PLAAT3: variants seen among roughly 807,000 people sequenced by gnomAD.
PLAAT3 encodes phospholipase A and acyltransferase 3.
A neutral mutation model predicts 16.7 loss-of-function variants in PLAAT3; 21 were observed. The observed-to-expected ratio is 1.26, with a 90% CI of 0.89 to 1.81. PLAAT3 has a LOEUF of 1.81. Ranked by LOEUF, PLAAT3 falls within the 40% of genes most tolerant of loss-of-function variation. PLAAT3 has a pLI of 0.00. For synonymous variants in PLAAT3, 76 were observed against 81.7 expected (o/e 0.93, Z 0.38); for missense variants, 219 against 213.7 (o/e 1.02, Z -0.16).
At chr11:63,613,343 G>A (rs1359264487) in intron 2 of PLAAT3, among the ~76,000 whole-genome samples, 1 of 152,112 alleles carries the variant, frequency 6.6e-6, no homozygotes, top group Non-Finnish European at 1.5e-5. Context: ...CCCGAGAGGC[G>A]GAGGTCGCAG....
At chr11:63,594,388 C>T (rs1362993384) in intron 3 of PLAAT3, among the ~76,000 whole-genome samples, 1 of 151,984 alleles carries the variant, frequency 6.6e-6, no homozygotes, top group Admixed American at 6.6e-5. Flanking sequence ...GGAGCCCACA[C>T]AAGAGACCAA....
intron 2 of PLAAT3, among the ~76,000 whole-genome samples, chr11:63,607,104 G>T (rs1020243747): frequency 1.3e-5 from 2 of 152,180 alleles, no homozygotes; most frequent in Admixed American, 1.3e-4. Flanking sequence ...GATGGAATGA[G>T]GTGGGGTGTG....
intron 2 of PLAAT3, among the ~76,000 whole-genome samples, chr11:63,612,251 A>G (rs1044739589): frequency 6.6e-6 from 1 of 152,136 alleles, no homozygotes; most frequent in African/African-American, 2.4e-5. Flanking sequence ...GGCTCAAGTG[A>G]TCCTCCCACC....
intron 4 of PLAAT3, among the ~76,000 whole-genome samples, chr11:63,579,054 G>A (rs1937710918): frequency 6.6e-6 from 1 of 152,138 alleles, no homozygotes; most frequent in Admixed American, 6.5e-5. Context: ...CCATCAAAAA[G>A]TGGGCGAAGG....
chr11:63,586,095 T>C (rs867694821), intron 4 of PLAAT3, among the ~76,000 whole-genome samples: 1 of 151,926 alleles, frequency 6.6e-6, no homozygotes, highest in Non-Finnish European at 1.5e-5. Context: ...TGTGCACCCA[T>C]AGTCTCAGCT....
intron 4 of PLAAT3, among the ~76,000 whole-genome samples, chr11:63,584,508 G>GTTT (rs59460211): frequency 7.1e-6 from 1 of 140,242 alleles, no homozygotes; most frequent in Middle Eastern, 3.3e-3. Flanking sequence ...TTTTTTTTTT[G>GTTT]TTTTTTTTTG....
At chr11:63,589,854 GATC>G (rs1240869172) in intron 4 of PLAAT3, among the ~76,000 whole-genome samples, 11 of 152,186 alleles carry the variant, frequency 7.2e-5, no homozygotes, top group Non-Finnish European at 1.2e-4. Context: ...CAATGGGAAT[GATC>G]ATCATGTCTG....
chr11:63,604,358 A>G (rs1446457019), intron 2 of PLAAT3, among the ~76,000 whole-genome samples: 1 of 152,180 alleles, frequency 6.6e-6, no homozygotes, highest in Non-Finnish European at 1.5e-5. Context: ...TTTAAAGGGA[A>G]AAAATACTCA....
rs888556803 is a variant in PLAAT3, at chr11:63,606,570, G to C, written c.15+7430C>G. Reference sequence around the variant, plus strand: ...GTCGGGAGCTGAGCGCTGGTGGGGTGGGGGCACGGGGTGCAATAGGAATTA... The same window carrying C: ...GTCGGGAGCTGAGCGCTGGTGGGGTCGGGGCACGGGGTGCAATAGGAATTA... On this transcript the variant is annotated intron_variant, in intron 2 of 4. Transcript: ENST00000415826. Among the ~76,000 whole-genome samples, 6 of 152,306 alleles carry C rather than the reference G, an allele frequency of 3.9e-5. No homozygotes were observed. The East Asian group carries it at 1.2e-3, about 29-fold the overall frequency.
At chr11:63,580,611 G>A (rs1352203515) in intron 4 of PLAAT3, among the ~76,000 whole-genome samples, 3 of 152,128 alleles carry the variant, frequency 2.0e-5, no homozygotes, top group Admixed American at 1.3e-4. Flanking sequence ...CTGAGATCAC[G>A]CCACTGCACT....
chr11:63,613,170 G>T (rs627194), intron 2 of PLAAT3, among the ~76,000 whole-genome samples: 74,642 of 152,026 alleles, frequency 0.49, 18,679 homozygotes, highest in Non-Finnish European at 0.54. Flanking sequence ...CCAGCACTTT[G>T]CGAGACCGAG....
rs1938116234 is a variant in PLAAT3, at chr11:63,590,295, C to T, written c.192G>A (p.Leu64=). Residue 64 remains leucine, a synonymous_variant, in exon 4 of 5, where the codon TTG becomes TTA. Coordinates refer to ENST00000415826, the MANE Select transcript of PLAAT3 (RefSeq NM_001128203.2). Reference sequence around the variant, plus strand: ...TGTCACTCCCGGCCACATCATACAGCAATTCCTTCTTCACGATGGCCTTGT... The same window carrying T: ...TGTCACTCCCGGCCACATCATACAGTAATTCCTTCTTCACGATGGCCTTGT... ...LTDKAIVKKE[L]LYDVAGSDKY... is the part of the protein sequence containing the mutation. The T allele has an allele frequency of 6.2e-7, 1 of 1,614,060 alleles. No individual in the cohort carries two copies. Among genetic ancestry groups the T allele is most frequent in the African/African-American group, 1.3e-5 (1 of 74,934 alleles).
At chr11:63,600,083 G>A (rs774799187) in intron 2 of PLAAT3, among the ~76,000 whole-genome samples, 7 of 151,898 alleles carry the variant, frequency 4.6e-5, no homozygotes, top group Non-Finnish European at 1.0e-4. Flanking sequence ...CCAGGCTCAG[G>A]TCATCTTCCC....
intron 4 of PLAAT3, among the ~76,000 whole-genome samples, chr11:63,588,634 T>C (rs1219306012): frequency 1.3e-5 from 2 of 152,198 alleles, no homozygotes; most frequent in African/African-American, 2.4e-5. Flanking sequence ...TTCACAAACA[T>C]TGGCAATATT....
chr11:63,604,599 C>CA (rs1208297845), intron 2 of PLAAT3, among the ~76,000 whole-genome samples: 2 of 151,770 alleles, frequency 1.3e-5, no homozygotes, highest in East Asian at 1.9e-4. Flanking sequence ...CCTGTCTCTA[C>CA]AAAAAATACA....
intron 4 of PLAAT3, among the ~76,000 whole-genome samples, chr11:63,587,429 GAAA>G (rs201108520): frequency 4.8e-5 from 7 of 146,028 alleles, no homozygotes; most frequent in Admixed American, 4.8e-4. Context: ...TCAAAATTCT[GAAA>G]AAAAAAATAT....
chr11:63,610,523 CCT>C (rs1938666924), intron 2 of PLAAT3, among the ~76,000 whole-genome samples: 1 of 152,208 alleles, frequency 6.6e-6, no homozygotes, highest in Non-Finnish European at 1.5e-5. Context: ...TCCTCCAGCC[CCT>C]CTCAGCCCGT....
At chr11:63,586,134 A>ACG (rs1937969625) in intron 4 of PLAAT3, among the ~76,000 whole-genome samples, 1 of 151,636 alleles carries the variant, frequency 6.6e-6, no homozygotes, top group Non-Finnish European at 1.5e-5. Flanking sequence ...GTGTGTGTGC[A>ACG]CGTGTATGTG....
chr11:63,613,429 TAA>T (rs371819026), intron 2 of PLAAT3, among the ~76,000 whole-genome samples: 6 of 14,498 alleles, frequency 4.1e-4, no homozygotes, highest in Non-Finnish European at 2.6e-3. Context: ...AAAATAAAAA[TAA>T]AAATAAATAA....
Sources: gnomAD v4.1 joint callset for allele counts (sites outside exome capture counted in the v4.1 genomes callset) on GRCh38, gnomAD v4.1.1 for gene constraint, MANE v1.5 for transcripts, NCBI Gene and HGNC (gene_info 2026-07-23, HGNC 2026-07-21) for gene names.